PPP1R16A: variants seen among roughly 807,000 people sequenced by gnomAD.
The protein encoded by PPP1R16A is protein phosphatase 1 regulatory subunit 16A.
PPP1R16A carries 39 observed loss-of-function variants against 46.6 expected under a neutral mutation model. The observed-to-expected ratio is 0.84, with a 90% CI of 0.65 to 1.09. The LOEUF (loss-of-function observed/expected upper bound fraction) is 1.09, where lower values mean the gene tolerates loss of function less well. PPP1R16A is among the 50% of genes least tolerant of loss of function. PPP1R16A has a pLI of 0.00. For synonymous variants in PPP1R16A, 413 were observed against 321.5 expected, an observed-to-expected ratio of 1.28 and a Z score of -3.04; for missense variants, 798 against 735.6, an observed-to-expected ratio of 1.08 and a Z score of -0.98.
At chr8:144,487,446 T>A (rs1825661367) in intron 1 of PPP1R16A, among the ~76,000 whole-genome samples, 1 of 152,070 alleles carries the variant, frequency 6.6e-6, no homozygotes, top group African/African-American at 2.4e-5. Flanking sequence ...TTCGGCTCAC[T>A]GCAACCTCTG....
In PPP1R16A at chr8:144,490,920, G is replaced by A. The variant is rs547895416; in HGVS notation, c.-735+708G>A. ...CAAAAAAGACAATAACAAATTAGCCGGGTGTGGTGGCGTGCACCTCCCCAG... is the reference window on the plus strand; with the variant it reads ...CAAAAAAGACAATAACAAATTAGCCAGGTGTGGTGGCGTGCACCTCCCCAG... On this transcript the variant is annotated intron_variant, in intron 2 of 11. Coordinates refer to ENST00000435887, the MANE Select transcript of PPP1R16A (RefSeq NM_001329443.2). Among the ~76,000 whole-genome samples, 10 of 152,196 alleles carry A rather than the reference G, an allele frequency of 6.6e-5. No homozygotes were observed. In the South Asian group the frequency reaches 1.9e-3, roughly 28 times the overall value.
At position 144,501,662 on chromosome 8, in the gene PPP1R16A, A is replaced by G. The variant is rs1204757046; in HGVS notation, c.1346A>G (p.His449Arg). The stretch of plus-strand genomic sequence containing the variant: ...AGCACCACCCCCCACACCCTGGTCC[A>G]CGACAAGGCCCACCACACCCTGGCT... ...LDSTTPHTLV[H>R]DKAHHTLADL... Residue 449 changes from histidine (H) to arginine (R), a missense_variant, in exon 12 of 12, where the codon CAC (histidine) becomes CGC (arginine). Transcript: ENST00000435887. The G allele has an allele frequency of 6.2e-7, 1 of 1,610,406 alleles. No individual in the cohort carries two copies. The highest frequency in any genetic ancestry group is 1.1e-5 in the South Asian group (1 of 90,484).
At chr8:144,499,461 C>T (rs577732414) in intron 5 of PPP1R16A, 12 of 213,878 alleles carry the variant, frequency 5.6e-5, no homozygotes, top group South Asian at 1.2e-4. Flanking sequence ...GGACGTAGAG[C>T]GGGGGGAACT....
rs568777445 is a variant in PPP1R16A at position 144,494,114 on chromosome 8, T to C, written c.-734-2347T>C. Among the ~76,000 whole-genome samples the C allele has an allele frequency of 2.0e-4, 31 of 152,290 alleles. No individual in the cohort carries two copies. In the South Asian group the frequency reaches 3.9e-3, roughly 19 times the overall value. On this transcript the variant is annotated intron_variant, in intron 2 of 11. Coordinates refer to ENST00000435887, the MANE Select transcript of PPP1R16A (RefSeq NM_001329443.2). ...CTTTTTTCCTTTTTAAAAATCTGTT[T>C]TAATTTCTCTTACATTAATTATTTT...
intron 1 of PPP1R16A, among the ~76,000 whole-genome samples, chr8:144,483,569 C>G (rs1226437324): frequency 6.6e-6 from 1 of 152,116 alleles, no homozygotes; most frequent in Non-Finnish European, 1.5e-5. Context: ...GCCGCCACGA[C>G]CGGCTTTTGT....
At chr8:144,482,212 G>A (rs1825462746) in intron 1 of PPP1R16A, among the ~76,000 whole-genome samples, 1 of 151,336 alleles carries the variant, frequency 6.6e-6, no homozygotes, top group African/African-American at 2.4e-5. Context: ...AGCTGGGACT[G>A]TAGGCATGTA....
rs146272590 is a variant in PPP1R16A at position 144,486,025 on chromosome 8, A to G, written c.-913-4009A>G. 6.6e-5 allele frequency among the ~76,000 whole-genome samples: 10 copies of G among 152,352 alleles called. No individual in the cohort carries two copies. The East Asian group carries it at 1.9e-3, about 29-fold the overall frequency. On this transcript the variant is annotated intron_variant, in intron 1 of 11. Coordinates refer to ENST00000435887, the MANE Select transcript of PPP1R16A (RefSeq NM_001329443.2). ...GTTCCTTTGACTGGAGGAAACGTCTATGGTATGGATGGACGGACCATCATG... is the reference window on the plus strand; with the variant it reads ...GTTCCTTTGACTGGAGGAAACGTCTGTGGTATGGATGGACGGACCATCATG...
chr8:144,492,097 G>A (rs886244789), intron 2 of PPP1R16A, among the ~76,000 whole-genome samples: 8 of 152,300 alleles, frequency 5.3e-5, no homozygotes, highest in East Asian at 1.9e-4. Flanking sequence ...AGAACCAGCC[G>A]GAGGGCAGGT....
Position 144,500,085 on chromosome 8 carries a change from C to G in PPP1R16A, c.477-11C>G. Reference sequence around the variant, plus strand: ...GCCTTGTGCCCAGCACCCCGTCCGTCTTCCCTGCAGTGGCGCCAATCTCCT... The same window carrying G: ...GCCTTGTGCCCAGCACCCCGTCCGTGTTCCCTGCAGTGGCGCCAATCTCCT... On this transcript the variant is annotated splice_polypyrimidine_tract_variant and intron_variant, in intron 5 of 11. Coordinates refer to ENST00000435887, the MANE Select transcript of PPP1R16A (RefSeq NM_001329443.2). 6.2e-7 allele frequency: 1 copy of G among 1,602,224 alleles called. No homozygotes were observed.
rs114186172 is a variant in PPP1R16A at position 144,499,017 on chromosome 8, G to A, written c.432G>A (p.Ala144=). The change falls in exon 5 of 12, where the codon GCG becomes GCA. Residue 144 remains alanine, a synonymous_variant. Coordinates refer to ENST00000435887, the MANE Select transcript of PPP1R16A (RefSeq NM_001329443.2). ...AGTGCTGGACGCCTCTGCATGCTGC[G>A]GCCACCTGCGGCCACCTGCACCTGG... The part of the protein sequence containing the change: ...DSECWTPLHA[A]ATCGHLHLVE... 9.4e-5 allele frequency: 150 copies of A among 1,589,828 alleles called. 2 individuals are homozygous for A. The East Asian group carries it at 1.5e-3, about 16-fold the overall frequency.
intron 2 of PPP1R16A, among the ~76,000 whole-genome samples, chr8:144,492,493 A>G (rs575135799): frequency 7.3e-5 from 11 of 151,696 alleles, no homozygotes; most frequent in Admixed American, 2.6e-4. Context: ...CTGCCACCCC[A>G]CCCAGCTAAT....
chr8:144,478,612 G>A (rs1369571724), intron 1 of PPP1R16A: 5 of 153,494 alleles, frequency 3.3e-5, no homozygotes, highest in African/African-American at 9.6e-5. Context: ...CGCAGAGAAG[G>A]GACTTACCCA....
At chr8:144,480,351 G>T (rs1260415083) in intron 1 of PPP1R16A, among the ~76,000 whole-genome samples, 1 of 149,736 alleles carries the variant, frequency 6.7e-6, no homozygotes, top group Non-Finnish European at 1.5e-5. Context: ...GTCTCACTCT[G>T]TCGCCCAGAC....
In PPP1R16A at chr8:144,491,591, A is replaced by G. The variant is rs890462037; in HGVS notation, c.-735+1379A>G. The stretch of plus-strand genomic sequence containing the variant: ...ATCCTGGCTAACACGGTGAAACCCC[A>G]TCTCTACTAAAAATACAAAAAATTA... On this transcript the variant is annotated intron_variant, in intron 2 of 11. Transcript: ENST00000435887. 5.3e-4 allele frequency among the ~76,000 whole-genome samples: 80 copies of G among 152,096 alleles called. 1 individual carries two copies. The highest frequency in any genetic ancestry group is 6.0e-4 in the African/African-American group (25 of 41,496).
chr8:144,485,790 C>T (rs909549940), intron 1 of PPP1R16A, among the ~76,000 whole-genome samples: 8 of 152,192 alleles, frequency 5.3e-5, no homozygotes, highest in African/African-American at 1.9e-4. Flanking sequence ...CAAGATGCAG[C>T]ACAGCCACCA....
chr8:144,488,000 G>A (rs778630768), intron 1 of PPP1R16A, among the ~76,000 whole-genome samples: 69 of 152,214 alleles, frequency 4.5e-4, no homozygotes, highest in Non-Finnish European at 8.8e-4. Flanking sequence ...ATAAAGATAT[G>A]GTTGTGGTTT....
Position 144,478,106 on chromosome 8 carries a change from G to C in PPP1R16A, c.-935G>C, listed in dbSNP as rs1490609330. ...CGGAAGCCAGCGGACCCACTTGTGC[G>C]GCGGTCGGCGCGGGGCGCGAGGTGA... On this transcript the variant is annotated 5_prime_UTR_variant, in exon 1 of 12. Transcript: ENST00000435887. The C allele has an allele frequency of 2.5e-6, 1 of 395,622 alleles. No homozygotes were observed. Among genetic ancestry groups the C allele is most frequent in the South Asian group, 1.3e-4 (1 of 7,832 alleles). The allele number at this position is 395,622 out of a possible 1,614,324, so 24.5% of individuals were successfully genotyped here.
intron 1 of PPP1R16A, among the ~76,000 whole-genome samples, chr8:144,485,526 G>GAAA (rs201794926): frequency 1.4e-5 from 2 of 142,182 alleles, no homozygotes; most frequent in African/African-American, 5.2e-5. Context: ...TCCATCTCGG[G>GAAA]AAAAAAAAAA....
rs1166860441 is a variant in PPP1R16A, at chr8:144,497,124, C to T, written c.-71C>T. On this transcript the variant is annotated 5_prime_UTR_variant, in exon 3 of 12. Transcript: ENST00000435887. ...CAGTCCAGCTAGCTGCCCCACCCCT[C>T]AGGCCCAGCCTGGCCCCCAAGCTCC... 3.9e-6 allele frequency: 6 copies of T among 1,530,798 alleles called. No individual in the cohort carries two copies. Among genetic ancestry groups the T allele is most frequent in the Middle Eastern group, 2.3e-4 (1 of 4,352 alleles). 94.8% of individuals were successfully genotyped at this position (1,530,798 alleles called of 1,614,324 possible). A position where few individuals can be genotyped will look rare whatever the true frequency, so the allele number is the denominator to read the frequency against.
Sources: gnomAD v4.1 joint callset for allele counts (sites outside exome capture counted in the v4.1 genomes callset) on GRCh38, gnomAD v4.1.1 for gene constraint, MANE v1.5 for transcripts, NCBI Gene and HGNC (gene_info 2026-07-23, HGNC 2026-07-21) for gene names.